The following AGFG1 variants were observed in gnomAD, a reference collection of about 807,000 sequenced individuals.
The protein encoded by AGFG1 is ArfGAP with FG repeats 1, also known as arf-GAP domain and FG repeat-containing protein 1.
A neutral mutation model predicts 60.6 loss-of-function variants in AGFG1; 10 were observed. That is an observed-to-expected ratio of 0.16 (90% confidence interval 0.10 to 0.28). AGFG1 has a LOEUF of 0.28. Ranked by LOEUF, AGFG1 falls within the 10% of genes least tolerant of loss-of-function variation. The pLI is 1.00. For synonymous variants in AGFG1, 247 were observed against 242.9 expected, an observed-to-expected ratio of 1.02 and a Z score of -0.16; for missense variants, 537 against 676.5, an observed-to-expected ratio of 0.79 and a Z score of 2.29.
chr2:227,494,938 G>A (rs1020596203), intron 2 of AGFG1, among the ~76,000 whole-genome samples: 7 of 152,170 alleles, frequency 4.6e-5, no homozygotes, highest in African/African-American at 1.7e-4. Flanking sequence ...GCTGTGGTAA[G>A]CAAATAATGT....
rs984518053 is a variant in AGFG1, at chr2:227,556,311, A to T, written c.*1816A>T. 9.2e-5 allele frequency: 14 copies of T among 152,698 alleles called. No individual in the cohort carries two copies. Among genetic ancestry groups the T allele is most frequent in the African/African-American group, 3.4e-4 (14 of 41,584 alleles). 9.5% of individuals were successfully genotyped at this position (152,698 alleles called of 1,614,324 possible). ...TATAGTGTTTTAGACTTGTTAAAAC[A>T]TTGCTGTCTAGTGTACATCTAGCTA... On this transcript the variant is annotated 3_prime_UTR_variant, in exon 13 of 13. Coordinates refer to ENST00000310078, the MANE Select transcript of AGFG1 (RefSeq NM_004504.5).
At chr2:227,515,058 G>T (rs1451152838) in intron 2 of AGFG1, among the ~76,000 whole-genome samples, 1 of 152,022 alleles carries the variant, frequency 6.6e-6, no homozygotes. Flanking sequence ...GAGTAGCTGG[G>T]ACTACACATG....
chr2:227,497,576 A>AT (rs915280446), intron 2 of AGFG1, among the ~76,000 whole-genome samples: 1 of 151,650 alleles, frequency 6.6e-6, no homozygotes, highest in Non-Finnish European at 1.5e-5. Context: ...ACAAAAAAAA[A>AT]TTTTTTTTGT....
At chr2:227,472,854 C>T (rs1575052759) in intron 1 of AGFG1, among the ~76,000 whole-genome samples, 1 of 70,204 alleles carries the variant, frequency 1.4e-5, no homozygotes, top group African/African-American at 5.5e-5. Context: ...GGGACGTGGG[C>T]GGGGTTGGGG....
chr2:227,502,829 T>C (rs1691199039), intron 2 of AGFG1, among the ~76,000 whole-genome samples: 1 of 152,200 alleles, frequency 6.6e-6, no homozygotes, highest in Non-Finnish European at 1.5e-5. Flanking sequence ...TTTTAGTGTA[T>C]GGTGTGATAG....
intron 2 of AGFG1, among the ~76,000 whole-genome samples, chr2:227,504,565 T>C (rs568853615): frequency 3.9e-5 from 6 of 152,382 alleles, no homozygotes; most frequent in African/African-American, 1.4e-4. Flanking sequence ...TATTGTCAAC[T>C]ATTAACATTT....
At chr2:227,508,587 CT>C (rs1363693873) in intron 2 of AGFG1, 2 of 468,046 alleles carry the variant, frequency 4.3e-6, no homozygotes, top group African/African-American at 2.0e-5. Flanking sequence ...TCCTTGAAAC[CT>C]TGCATATCAG....
chr2:227,505,269 G>A (rs1244519420), intron 2 of AGFG1, among the ~76,000 whole-genome samples: 1 of 152,108 alleles, frequency 6.6e-6, no homozygotes, highest in Non-Finnish European at 1.5e-5. Flanking sequence ...TTTTCAGAAT[G>A]TGACTGTGAT....
At chr2:227,541,668 T>G (rs11888837) in intron 10 of AGFG1, among the ~76,000 whole-genome samples, 1 of 151,936 alleles carries the variant, frequency 6.6e-6, no homozygotes, top group Non-Finnish European at 1.5e-5. Context: ...AGGATTGTCT[T>G]GGCAATGCAG....
chr2:227,517,730 G>C (rs1029605972), intron 2 of AGFG1, among the ~76,000 whole-genome samples: 1 of 152,146 alleles, frequency 6.6e-6, no homozygotes, highest in Admixed American at 6.5e-5. Context: ...TACTTGTCAG[G>C]GTTTTTGAAA....
At chr2:227,512,000 T>C (rs1487318131) in intron 2 of AGFG1, among the ~76,000 whole-genome samples, 1 of 152,174 alleles carries the variant, frequency 6.6e-6, no homozygotes, top group Non-Finnish European at 1.5e-5. Flanking sequence ...TGATGAAGAA[T>C]TTGATTTTTA....
At chr2:227,535,646 C>G (rs1052885549) in intron 8 of AGFG1, among the ~76,000 whole-genome samples, 2 of 152,214 alleles carry the variant, frequency 1.3e-5, no homozygotes, top group African/African-American at 2.4e-5. Flanking sequence ...AGAGATTTAC[C>G]TATAACAATG....
chr2:227,543,313 C>T (rs1315054560), intron 10 of AGFG1, among the ~76,000 whole-genome samples: 1 of 152,190 alleles, frequency 6.6e-6, no homozygotes. Context: ...TTTTCCTCTA[C>T]ACACTGCTTT....
chr2:227,478,079 C>T (rs1269112378), intron 1 of AGFG1, among the ~76,000 whole-genome samples: 1 of 151,654 alleles, frequency 6.6e-6, no homozygotes, highest in Non-Finnish European at 1.5e-5. Flanking sequence ...GGTGCCGTTC[C>T]AACAGCGATT....
intron 10 of AGFG1, among the ~76,000 whole-genome samples, chr2:227,540,182 A>C (rs1692445206): frequency 7.0e-6 from 1 of 142,280 alleles, no homozygotes; most frequent in Non-Finnish European, 1.5e-5. Flanking sequence ...GGATTTATAA[A>C]ACTTTGGGGC....
At position 227,554,561 on chromosome 2, in the gene AGFG1, A is replaced by G; in HGVS notation, c.*66A>G. On this transcript the variant is annotated 3_prime_UTR_variant, in exon 13 of 13. Transcript: ENST00000310078. ...CACATTACATCTCTCCACCTCTTGC[A>G]CTGTTGTCTTGTTTCACTGATCTTA... The G allele has an allele frequency of 3.8e-6, 5 of 1,327,516 alleles. No homozygotes were observed. Among genetic ancestry groups the G allele is most frequent in the Non-Finnish European group, 5.3e-6 (5 of 935,648 alleles). 82.2% of individuals were successfully genotyped at this position (1,327,516 alleles called of 1,614,324 possible).
chr2:227,538,024 C>T (rs1167209405), intron 10 of AGFG1, among the ~76,000 whole-genome samples: 1 of 152,152 alleles, frequency 6.6e-6, no homozygotes, highest in Non-Finnish European at 1.5e-5. Context: ...TGGAATTTCA[C>T]ACAAAATTTA....
At chr2:227,501,813 A>G (rs1365498590) in intron 2 of AGFG1, among the ~76,000 whole-genome samples, 1 of 151,922 alleles carries the variant, frequency 6.6e-6, no homozygotes, top group East Asian at 1.9e-4. Context: ...TTTTATTCAC[A>G]TTCATATAAA....
At chr2:227,519,793 A>G (rs1691773285) in intron 2 of AGFG1, among the ~76,000 whole-genome samples, 155 bp from the exon 3 acceptor site, 1 of 152,260 alleles carries the variant, frequency 6.6e-6, no homozygotes, top group Non-Finnish European at 1.5e-5. Flanking sequence ...CATATTAAAA[A>G]TAAATTTAGT....
Sources: gnomAD v4.1 joint callset for allele counts (sites outside exome capture counted in the v4.1 genomes callset) on GRCh38, gnomAD v4.1.1 for gene constraint, MANE v1.5 for transcripts, NCBI Gene and HGNC (gene_info 2026-07-23, HGNC 2026-07-21) for gene names.